Variants in FOXP1 observed in about 807,000 individuals in gnomAD.
FOXP1 encodes forkhead box P1.
Under a neutral mutation model 98.2 loss-of-function variants are expected in FOXP1, and 15 were observed. That is an observed-to-expected ratio of 0.15 (90% CI 0.10 to 0.24). The LOEUF is 0.24. Ranked by LOEUF, FOXP1 falls within the 10% of genes least tolerant of loss-of-function variation. FOXP1 has a pLI of 1.00. For synonymous variants in FOXP1, 371 were observed against 314.5 expected (o/e 1.18, Z -1.90); for missense variants, 633 against 848.5 (o/e 0.75, Z 3.15).
At chr3:71,319,928 A>G (rs2075295784) in intron 4 of FOXP1, among the ~76,000 whole-genome samples, 1 of 152,052 alleles carries the variant, frequency 6.6e-6, no homozygotes, top group Non-Finnish European at 1.5e-5. Flanking sequence ...TGACTCCTCC[A>G]CCACATCCAA....
chr3:71,212,640 T>C (rs2108465710), intron 5 of FOXP1, among the ~76,000 whole-genome samples: 1 of 152,332 alleles, frequency 6.6e-6, no homozygotes, highest in African/African-American at 2.4e-5. Flanking sequence ...AGAGTTTATT[T>C]AGTAGCAAGT....
chr3:71,155,321 T>C (rs907327619), intron 6 of FOXP1, among the ~76,000 whole-genome samples: 1 of 152,242 alleles, frequency 6.6e-6, no homozygotes, highest in African/African-American at 2.4e-5. Flanking sequence ...CAATATAATG[T>C]AAGCAACATA....
At chr3:71,202,135 A>C (rs1243431785) in intron 5 of FOXP1, among the ~76,000 whole-genome samples, 1 of 152,218 alleles carries the variant, frequency 6.6e-6, no homozygotes, top group Non-Finnish European at 1.5e-5. Flanking sequence ...TGCTCCATGC[A>C]GTTCCAAAGC....
chr3:70,995,843 ATTCT>A (rs770373720), intron 13 of FOXP1, among the ~76,000 whole-genome samples: 1 of 152,324 alleles, frequency 6.6e-6, no homozygotes, highest in East Asian at 1.9e-4. Context: ...CTACATAAAC[ATTCT>A]TTCTACCGCT....
chr3:71,032,372 G>T (rs1361739162), intron 11 of FOXP1, among the ~76,000 whole-genome samples: 1 of 152,324 alleles, frequency 6.6e-6, no homozygotes, highest in South Asian at 2.1e-4. Flanking sequence ...TCTGGCTAGC[G>T]TATCTGTTGC....
chr3:71,439,160 T>C (rs1368010425), intron 3 of FOXP1, among the ~76,000 whole-genome samples: 1 of 152,204 alleles, frequency 6.6e-6, no homozygotes, highest in Non-Finnish European at 1.5e-5. Context: ...TCGGGCAGAC[T>C]TCAGGCTACA....
At chr3:71,402,053 C>A (rs2081989171) in intron 3 of FOXP1, among the ~76,000 whole-genome samples, 1 of 152,188 alleles carries the variant, frequency 6.6e-6, no homozygotes, top group Non-Finnish European at 1.5e-5. Flanking sequence ...AGGCTCTGAA[C>A]TGGGGATCAA....
intron 11 of FOXP1, among the ~76,000 whole-genome samples, chr3:71,033,412 C>G (rs1362538108): frequency 6.6e-6 from 1 of 152,074 alleles, no homozygotes; most frequent in Non-Finnish European, 1.5e-5. Flanking sequence ...AAATGAACAT[C>G]ACTCTCCAGA....
intron 5 of FOXP1, among the ~76,000 whole-genome samples, chr3:71,243,408 T>C (rs1276920300): frequency 6.6e-6 from 1 of 152,100 alleles, no homozygotes; most frequent in Non-Finnish European, 1.5e-5. Flanking sequence ...TAACGTAAAA[T>C]AAAATTCTTA....
chr3:71,375,665 A>G (rs1307717699), intron 3 of FOXP1, among the ~76,000 whole-genome samples: 2 of 152,210 alleles, frequency 1.3e-5, no homozygotes, highest in Non-Finnish European at 2.9e-5. Context: ...AGGAAATGAA[A>G]TGGTTTCTCC....
chr3:71,473,345 A>G (rs957033840), intron 3 of FOXP1, among the ~76,000 whole-genome samples: 1 of 151,986 alleles, frequency 6.6e-6, no homozygotes, highest in African/African-American at 2.4e-5. Flanking sequence ...AATACACTCC[A>G]CCTTTGGGCT....
At chr3:70,964,008 G>C (rs2034185089) in intron 20 of FOXP1, among the ~76,000 whole-genome samples, 1 of 152,174 alleles carries the variant, frequency 6.6e-6, no homozygotes, top group African/African-American at 2.4e-5. Context: ...CATCATAGCA[G>C]GGTAATGCAT....
chr3:71,029,295 A>G (rs2107879658), intron 11 of FOXP1, among the ~76,000 whole-genome samples: 1 of 152,310 alleles, frequency 6.6e-6, no homozygotes, highest in Middle Eastern at 3.4e-3. Context: ...CAAGAGAGTT[A>G]AAACCTTTCC....
intron 3 of FOXP1, among the ~76,000 whole-genome samples, chr3:71,418,829 G>A (rs1472320932): frequency 1.3e-5 from 2 of 150,946 alleles, no homozygotes; most frequent in South Asian, 2.1e-4. Flanking sequence ...CAAAAATTAC[G>A]AAAGCATCTG....
chr3:71,165,306 C>T (rs958008604), intron 6 of FOXP1, among the ~76,000 whole-genome samples: 2 of 148,728 alleles, frequency 1.3e-5, no homozygotes, highest in Non-Finnish European at 3.0e-5. Context: ...CTAAAATCAT[C>T]AGCAGCTCAC....
At chr3:71,057,897 C>T (rs571613028) in intron 7 of FOXP1, among the ~76,000 whole-genome samples, 8 of 152,246 alleles carry the variant, frequency 5.3e-5, no homozygotes, top group African/African-American at 1.2e-4. Context: ...ACTGGGAAAA[C>T]GGTGTTAGCA....
At chr3:71,466,585 AT>A (rs147634236) in intron 3 of FOXP1, among the ~76,000 whole-genome samples, 2 of 151,872 alleles carry the variant, frequency 1.3e-5, no homozygotes, top group Admixed American at 6.6e-5. Flanking sequence ...TTTCAGCGGA[AT>A]TTTTTTTTCC....
At chr3:71,131,056 A>G (rs2059542971) in intron 6 of FOXP1, 1 of 350,680 alleles carries the variant, frequency 2.9e-6, no homozygotes. Context: ...TAAAAGAAAA[A>G]AAAAAGAAGA....
At chr3:71,263,298 C>CAAAAGT (rs2069331588) in intron 5 of FOXP1, among the ~76,000 whole-genome samples, 6 of 152,116 alleles carry the variant, frequency 3.9e-5, no homozygotes. Flanking sequence ...AGTAAAACAA[C>CAAAAGT]AAAACCGAGC....
Sources: gnomAD v4.1 joint callset for allele counts (sites outside exome capture counted in the v4.1 genomes callset) on GRCh38, gnomAD v4.1.1 for gene constraint, MANE v1.5 for transcripts, NCBI Gene and HGNC (gene_info 2026-07-23, HGNC 2026-07-21) for gene names.